CHD9: variants seen among roughly 807,000 people sequenced by gnomAD.
CHD9 encodes the protein chromodomain helicase DNA binding protein 9, also known as ATP-dependent chromatin remodeler CHD9.
CHD9 carries 77 observed loss-of-function variants against 316.1 expected under a neutral mutation model. The ratio of observed to expected loss-of-function variants is 0.24; its 90% CI spans 0.20 to 0.29. The LOEUF is 0.29. Ranked by LOEUF, CHD9 falls within the 10% of genes least tolerant of loss-of-function variation. The probability of loss-of-function intolerance (pLI) is 1.00; values close to 1 mark genes in which losing one functional copy is unlikely to be tolerated. For synonymous variants in CHD9, 1,129 were observed against 1,158.3 expected (o/e 0.97, Z 0.51); for missense variants, 2,763 against 3,438.1 (o/e 0.80, Z 4.91).
chr16:53,304,756 G>T (rs1462267167), intron 31 of CHD9, 131 bp downstream of exon 31: 2 of 731,212 alleles, frequency 2.7e-6, no homozygotes, highest in African/African-American at 2.0e-5. Flanking sequence ...GTGCAATGGC[G>T]CAATCTCAGC....
chr16:53,204,023 CAAAAAAAAAA>C (rs530552464), intron 2 of CHD9, among the ~76,000 whole-genome samples: 29 of 48,344 alleles, frequency 6.0e-4, no homozygotes, highest in African/African-American at 2.0e-3. Flanking sequence ...GACTCCATCT[CAAAAAAAAAA>C]AAAAAAAAAA....
chr16:53,192,048 A>T (rs2044518456), intron 2 of CHD9, among the ~76,000 whole-genome samples: 1 of 150,538 alleles, frequency 6.6e-6, no homozygotes, highest in Non-Finnish European at 1.5e-5. Context: ...TTGACCAAAA[A>T]TGAGTGAGAC....
chr16:53,057,012 A>G (rs529173342), intron 1 of CHD9, among the ~76,000 whole-genome samples: 1 of 151,990 alleles, frequency 6.6e-6, no homozygotes, highest in African/African-American at 2.4e-5. Context: ...AATAATTCTT[A>G]AAAAAAATTT....
chr16:53,095,762 T>C (rs545475253), intron 1 of CHD9, among the ~76,000 whole-genome samples: 2 of 152,306 alleles, frequency 1.3e-5, no homozygotes, highest in South Asian at 4.1e-4. Flanking sequence ...TTTGGGTTGT[T>C]ACCAGCTTTC....
chr16:53,277,419 G>A (rs984584981), intron 24 of CHD9, among the ~76,000 whole-genome samples: 1 of 152,030 alleles, frequency 6.6e-6, no homozygotes, highest in Non-Finnish European at 1.5e-5. Flanking sequence ...ATGATCAAGT[G>A]GGTTACATAC....
intron 27 of CHD9, among the ~76,000 whole-genome samples, chr16:53,291,471 G>C (rs1347682568): frequency 1.3e-5 from 2 of 152,170 alleles, no homozygotes; most frequent in Non-Finnish European, 2.9e-5. Context: ...AAAGAAACTA[G>C]CTTAACAGTA....
At chr16:53,296,890 A>G in intron 29 of CHD9, 66 bp from the exon 30 acceptor site, 1 of 994,400 alleles carries the variant, frequency 1.0e-6, no homozygotes. Flanking sequence ...TATAGTCATT[A>G]TATTTAGTAT....
At chr16:53,183,264 G>T (rs887210987) in intron 2 of CHD9, among the ~76,000 whole-genome samples, 9 of 152,100 alleles carry the variant, frequency 5.9e-5, no homozygotes, top group African/African-American at 2.2e-4. Flanking sequence ...AAACATTATG[G>T]ATAACCATTG....
At chr16:53,269,215 A>C in intron 22 of CHD9, among the ~76,000 whole-genome samples, 1 of 152,164 alleles carries the variant, frequency 6.6e-6, no homozygotes, top group East Asian at 1.9e-4. Context: ...CTAACAGAAC[A>C]TTCTTTTTTG....
chr16:53,148,332 C>T (rs998819895), intron 1 of CHD9, among the ~76,000 whole-genome samples: 1 of 152,208 alleles, frequency 6.6e-6, no homozygotes, highest in Non-Finnish European at 1.5e-5. Context: ...GCCTTGGCCT[C>T]CTGGGCTCAA....
intron 30 of CHD9, 87 bp from the exon 31 acceptor site, chr16:53,303,633 T>C (rs943825236): frequency 1.3e-5 from 13 of 980,028 alleles, no homozygotes; most frequent in South Asian, 5.1e-5. Flanking sequence ...GGTATTGTTA[T>C]AAATATATAA....
At chr16:53,173,153 T>C (rs1184336754) in intron 2 of CHD9, among the ~76,000 whole-genome samples, 2 of 152,188 alleles carry the variant, frequency 1.3e-5, no homozygotes, top group African/African-American at 2.4e-5. Flanking sequence ...AGTTCACCAT[T>C]GAAGCTATTC....
chr16:53,059,123 G>A (rs781486404), intron 1 of CHD9, among the ~76,000 whole-genome samples: 11 of 152,290 alleles, frequency 7.2e-5, no homozygotes, highest in African/African-American at 1.4e-4. Context: ...TTACAAGCAT[G>A]ATCTACCTTA....
At chr16:53,225,773 T>C (rs1385907329) in intron 4 of CHD9, among the ~76,000 whole-genome samples, 1 of 152,036 alleles carries the variant, frequency 6.6e-6, no homozygotes, top group East Asian at 1.9e-4. Flanking sequence ...TTAAATATTT[T>C]ATATTATGTT....
rs911399936 is a variant in CHD9 at position 53,326,690 on chromosome 16, A to G, written c.*1795A>G. 6.6e-6 allele frequency: 1 copy of G among 152,452 alleles called. No individual in the cohort carries two copies. Among genetic ancestry groups the G allele is most frequent in the African/African-American group, 2.4e-5 (1 of 41,452 alleles). The allele number at this position is 152,452 out of a possible 1,614,324, so 9.4% of individuals were successfully genotyped here. On this transcript the variant is annotated 3_prime_UTR_variant, in exon 39 of 39. Transcript: ENST00000447540. ...CTTCATCATGAAAATGATATATTAC[A>G]TATTTAGTATCTTCCCTTTGCAGTA...
At position 53,238,296 on chromosome 16, in the gene CHD9, GA is replaced by G. The variant is rs202099297; in HGVS notation, c.2634-39del. Reference sequence around the variant, plus strand: ...TTTGTATATTTATCTTTAAAGTATAGAAAAAAAACCCAATGTATGCATGGAT... The same window carrying G: ...TTTGTATATTTATCTTTAAAGTATAGAAAAAAACCCAATGTATGCATGGAT... On this transcript the variant is annotated intron_variant, in intron 11 of 38. Coordinates refer to ENST00000447540, the MANE Select transcript of CHD9 (RefSeq NM_001308319.2). The G allele has an allele frequency of 1.4e-3, 2,069 of 1,484,992 alleles. 26 individuals carry two copies. In the African/African-American group the frequency reaches 0.026, roughly 18 times the overall value. 92.0% of individuals were successfully genotyped at this position (1,484,992 alleles called of 1,614,324 possible).
chr16:53,110,279 G>A (rs9931023), intron 1 of CHD9, among the ~76,000 whole-genome samples: 32,405 of 151,968 alleles, frequency 0.21, 3,963 homozygotes, highest in South Asian at 0.33. Context: ...AAACGATGAG[G>A]TGAATGCCTT....
intron 2 of CHD9, among the ~76,000 whole-genome samples, chr16:53,165,319 A>G (rs1216813736): frequency 6.6e-6 from 1 of 152,208 alleles, no homozygotes; most frequent in Admixed American, 6.5e-5. Flanking sequence ...TGGCAATTAC[A>G]AAAGGTGAAG....
rs895689395 is a variant in CHD9 at position 53,100,482 on chromosome 16, G to A, written c.-165+45405G>A. On this transcript the variant is annotated intron_variant, in intron 1 of 38. Coordinates refer to ENST00000447540, the MANE Select transcript of CHD9 (RefSeq NM_001308319.2). ...TTTTTTTTTTTTTTCCAAAAGACAG[G>A]GTCTTGCTCTGTTGCCCAGGCTGCT... 3.9e-4 allele frequency among the ~76,000 whole-genome samples: 43 copies of A among 111,336 alleles called. 1 individual carries two copies. Among genetic ancestry groups the A allele is most frequent in the Non-Finnish European group, 7.0e-4 (32 of 45,776 alleles). 73.0% of individuals were successfully genotyped at this position (111,336 alleles called of 152,430 possible). A position where few individuals can be genotyped will look rare whatever the true frequency, so the allele number is the denominator to read the frequency against.
Sources: allele counts gnomAD v4.1 joint callset (sites outside exome capture counted in the v4.1 genomes callset), GRCh38; gene constraint gnomAD v4.1.1; transcripts MANE v1.5; gene names NCBI Gene and HGNC (gene_info 2026-07-23, HGNC 2026-07-21).